The following CREBBP variants were observed in gnomAD, a reference collection of about 807,000 sequenced individuals.
CREBBP encodes the protein CREB binding lysine acetyltransferase, also known as CREB-binding protein.
CREBBP carries 19 observed loss-of-function variants against 265.0 expected under a neutral mutation model. The observed-to-expected ratio is 0.07, with a 90% CI of 0.05 to 0.11. The LOEUF (loss-of-function observed/expected upper bound fraction) is 0.11. Among genes scored for constraint, CREBBP ranks in the 10% least tolerant of loss-of-function variants. CREBBP has a pLI of 1.00. For missense variants in CREBBP, 2,525 were observed against 3,219.0 expected (o/e 0.78, Z 5.22); for synonymous variants, 1,457 against 1,223.7 (o/e 1.19, Z -3.98).
chr16:3,777,091 C>T (rs1382205559), intron 11 of CREBBP, among the ~76,000 whole-genome samples: 1 of 151,844 alleles, frequency 6.6e-6, no homozygotes, highest in Non-Finnish European at 1.5e-5. Flanking sequence ...TCCTGTAATC[C>T]CAGCACTTTG....
chr16:3,782,579 A>G, intron 6 of CREBBP, 105 bp downstream of exon 6: 2 of 1,434,762 alleles, frequency 1.4e-6, no homozygotes, highest in South Asian at 1.3e-5. Flanking sequence ...CAACCACCGT[A>G]GTAAAAAACA....
chr16:3,810,747 T>C lies in CREBBP; in HGVS notation c.831A>G (p.Gly277=), dbSNP rs1777792507. Residue 277 remains glycine, a synonymous_variant, in exon 3 of 31, where the codon GGA becomes GGG. Coordinates refer to ENST00000262367, the MANE Select transcript of CREBBP (RefSeq NM_004380.3). ...MGITGNTSPF[G]QPFSQAGGQP... ...GCCCTCCAGCTTGACTAAAGGGCTGTCCAAATGGACTTGTGTTCCCAGTTA... is the reference window on the plus strand; with the variant it reads ...GCCCTCCAGCTTGACTAAAGGGCTGCCCAAATGGACTTGTGTTCCCAGTTA... The C allele has an allele frequency of 6.2e-7, 1 of 1,613,852 alleles. No homozygotes were observed. Among genetic ancestry groups the C allele is most frequent in the Non-Finnish European group, 8.5e-7 (1 of 1,180,002 alleles).
chr16:3,767,863 G>C lies in CREBBP; in HGVS notation c.3107C>G (p.Thr1036Arg). 6.2e-7 allele frequency: 1 copy of C among 1,614,112 alleles called. No individual in the cohort carries two copies. The highest frequency in any genetic ancestry group is 2.2e-5 in the East Asian group (1 of 44,882). Reference sequence around the variant, plus strand: ...TTCTGATTTCTGCTCTGCTATGTCTGTTTCTTCTTTAACTTGGGAAGCTCC... The same window carrying C: ...TTCTGATTTCTGCTCTGCTATGTCTCTTTCTTCTTTAACTTGGGAAGCTCC... ...LQGASQVKEE[T>R]DIAEQKSEPM... Residue 1036 changes from threonine to arginine, a missense_variant, in exon 16 of 31, where the codon ACA becomes AGA. By Grantham distance (71) the Thr-to-Arg change is moderately conservative. Transcript: ENST00000262367.
intron 1 of CREBBP, among the ~76,000 whole-genome samples, chr16:3,876,823 C>A (rs1001425021): frequency 2.0e-5 from 3 of 152,186 alleles, no homozygotes; most frequent in Non-Finnish European, 2.9e-5. Flanking sequence ...GCTTCCCAGG[C>A]TTCGGCAACT....
chr16:3,788,232 C>A (rs1166771885), intron 5 of CREBBP, among the ~76,000 whole-genome samples: 1 of 152,234 alleles, frequency 6.6e-6, no homozygotes, highest in Non-Finnish European at 1.5e-5. Context: ...CCAGCACTGG[C>A]CCAGATACCT....
chr16:3,818,890 C>T (rs2054090359), intron 2 of CREBBP, among the ~76,000 whole-genome samples: 2 of 152,218 alleles, frequency 1.3e-5, no homozygotes, highest in Non-Finnish European at 2.9e-5. Flanking sequence ...AGGGGCCCCC[C>T]GGAAAGGGCA....
chr16:3,858,894 T>G (rs1314761191), intron 1 of CREBBP, among the ~76,000 whole-genome samples: 1 of 152,218 alleles, frequency 6.6e-6, no homozygotes, highest in Admixed American at 6.5e-5. Context: ...TAATGTAGGA[T>G]GAGCAACAGT....
At chr16:3,827,876 G>C (rs937437573) in intron 2 of CREBBP, among the ~76,000 whole-genome samples, 2 of 152,042 alleles carry the variant, frequency 1.3e-5, no homozygotes, top group African/African-American at 4.8e-5. Context: ...ATGTTTTGTA[G>C]AGATGGAGTC....
At chr16:3,846,654 TG>T (rs2054673492) in intron 2 of CREBBP, among the ~76,000 whole-genome samples, 1 of 152,186 alleles carries the variant, frequency 6.6e-6, no homozygotes, top group African/African-American at 2.4e-5. Context: ...ACGCGGAGCA[TG>T]GAAGAATTTC....
In CREBBP at chr16:3,824,236, T is replaced by C. The variant is rs181323768; in HGVS notation, c.799-13457A>G. Among the ~76,000 whole-genome samples the C allele has an allele frequency of 1.4e-3, 217 of 152,350 alleles. 2 individuals carry two copies. The highest frequency in any genetic ancestry group is 0.013 in the Admixed American group (196 of 15,298). On this transcript the variant is annotated intron_variant, in intron 2 of 30. Transcript: ENST00000262367. ...GCTGGGCCTGCAAAGGCGAGCTAAA[T>C]GGTAACAGACACAGTTGACCGAGGC...
Position 3,731,951 on chromosome 16 carries a change from C to G in CREBBP, c.4729-14G>C, listed in dbSNP as rs130008. 0.018 allele frequency: 28,651 copies of G among 1,614,196 alleles called. 331 individuals carry two copies. Among genetic ancestry groups the G allele is most frequent in the Non-Finnish European group, 0.022 (26,013 of 1,180,032 alleles). On this transcript the variant is annotated splice_polypyrimidine_tract_variant and intron_variant, in intron 28 of 30. Coordinates refer to ENST00000262367, the MANE Select transcript of CREBBP (RefSeq NM_004380.3). This position sits in a 1 kb window ranked among gnomAD's most constrained non-coding sequence, Gnocchi z 7.7. ...GCCCTGACTGCCCTGCAACAACACG[C>G]AAGGCTGTGAGACCAGGCAAGTGCC...
At chr16:3,770,473 G>A in intron 14 of CREBBP, 97 bp downstream of exon 14, 1 of 1,357,564 alleles carries the variant, frequency 7.4e-7, no homozygotes, top group Non-Finnish European at 1.0e-6. Context: ...TGAAATTATA[G>A]GTGTGAACCA....
intron 21 of CREBBP, among the ~76,000 whole-genome samples, chr16:3,747,554 T>C (rs1000600255): frequency 4.6e-5 from 7 of 152,192 alleles, no homozygotes. Context: ...GCTGTGCCAT[T>C]ACCCAGCTGT....
chr16:3,753,543 T>C (rs1278951235), intron 19 of CREBBP, among the ~76,000 whole-genome samples: 3 of 152,230 alleles, frequency 2.0e-5, no homozygotes, highest in Admixed American at 1.3e-4. Context: ...TTAATGTTTT[T>C]CTTTAAATAT....
chr16:3,785,834 C>T (rs144986154), intron 5 of CREBBP, among the ~76,000 whole-genome samples: 2 of 152,318 alleles, frequency 1.3e-5, no homozygotes, highest in South Asian at 4.1e-4. Context: ...CACAACACAC[C>T]TGCAATGCAC....
chr16:3,816,860 C>A (rs755726627), intron 2 of CREBBP, among the ~76,000 whole-genome samples: 3 of 152,170 alleles, frequency 2.0e-5, no homozygotes, highest in Non-Finnish European at 4.4e-5. Context: ...AAAGCACCAC[C>A]ATGCCACGCA....
chr16:3,804,081 T>TAA, intron 3 of CREBBP, among the ~76,000 whole-genome samples: 1 of 142,204 alleles, frequency 7.0e-6, no homozygotes. Flanking sequence ...GACCCCAGCT[T>TAA]AAAAAAAAAA....
intron 19 of CREBBP, among the ~76,000 whole-genome samples, chr16:3,753,461 A>T (rs1185633054): frequency 6.6e-6 from 1 of 152,242 alleles, no homozygotes; most frequent in Non-Finnish European, 1.5e-5. Context: ...TCTTGCTGGG[A>T]CTAATTTATT....
Position 3,763,976 on chromosome 16 carries a change from C to G in CREBBP, c.3250+3744G>C, listed in dbSNP as rs547368389. Reference sequence around the variant, plus strand: ...TCTCCTGCCTCAGCCTTCCGAGTAGCTGGGACTACAGGCGCATGCTGCCAC... The same window carrying G: ...TCTCCTGCCTCAGCCTTCCGAGTAGGTGGGACTACAGGCGCATGCTGCCAC... On this transcript the variant is annotated intron_variant, in intron 16 of 30. Coordinates refer to ENST00000262367, the MANE Select transcript of CREBBP (RefSeq NM_004380.3). 7.3e-5 allele frequency among the ~76,000 whole-genome samples: 11 copies of G among 151,718 alleles called. No homozygotes were observed. The East Asian group carries it at 2.1e-3, about 29-fold the overall frequency.
Sources: gnomAD v4.1 joint callset for allele counts (sites outside exome capture counted in the v4.1 genomes callset) on GRCh38, gnomAD v4.1.1 for gene constraint, Gnocchi (gnomAD v3.1) non-coding constraint, MANE v1.5 for transcripts, NCBI Gene and HGNC (gene_info 2026-07-23, HGNC 2026-07-21) for gene names.